Variants in ARHGAP26 observed in about 807,000 individuals in gnomAD.
ARHGAP26 encodes the protein Rho GTPase activating protein 26.
In ARHGAP26, 38 loss-of-function variants were observed where a neutral mutation model predicts 104.8. The ratio of observed to expected loss-of-function variants is 0.36; its 90% confidence interval spans 0.28 to 0.48. The LOEUF is 0.48. ARHGAP26 is among the 20% of genes least tolerant of loss of function. ARHGAP26 has a pLI of 0.99. For synonymous variants in ARHGAP26, 341 were observed against 340.0 expected (o/e 1.00, Z -0.03); for missense variants, 704 against 947.9 (o/e 0.74, Z 3.38).
intron 17 of ARHGAP26, among the ~76,000 whole-genome samples, chr5:143,081,841 G>A (rs943355967): frequency 1.3e-5 from 2 of 151,966 alleles, no homozygotes; most frequent in East Asian, 1.9e-4. Context: ...GTGAAACCCC[G>A]TCTCTACTAA....
chr5:143,178,068 C>G (rs1228752985), intron 20 of ARHGAP26, among the ~76,000 whole-genome samples: 1 of 124,706 alleles, frequency 8.0e-6, no homozygotes, highest in Admixed American at 1.1e-4. Context: ...GGTGTAATCT[C>G]TGTTCACTAC....
At chr5:142,922,196 A>G (rs888279813) in intron 10 of ARHGAP26, 1 of 152,178 alleles carries the variant, frequency 6.6e-6, no homozygotes, top group Admixed American at 6.5e-5. Context: ...TTAAAATAAT[A>G]TTGTTTCTTC....
chr5:143,010,755 G>C (rs886642743), intron 11 of ARHGAP26: 2 of 152,166 alleles, frequency 1.3e-5, no homozygotes, highest in Non-Finnish European at 2.9e-5. Context: ...CCTTGAAAGA[G>C]AGTAATTTGG....
intron 1 of ARHGAP26, among the ~76,000 whole-genome samples, chr5:142,840,715 G>C (rs1265495625): frequency 6.6e-6 from 1 of 152,144 alleles, no homozygotes; most frequent in African/African-American, 2.4e-5. Context: ...CTTCTCTGAG[G>C]TCCTGGTGTG....
chr5:143,040,750 A>G (rs1783339010), intron 13 of ARHGAP26, among the ~76,000 whole-genome samples: 1 of 152,256 alleles, frequency 6.6e-6, no homozygotes, highest in Admixed American at 6.5e-5. Context: ...TAGAGGAAAC[A>G]GCTGGAGCAA....
intron 17 of ARHGAP26, among the ~76,000 whole-genome samples, chr5:143,107,918 G>T (rs1336857516): frequency 3.9e-5 from 6 of 152,224 alleles, no homozygotes; most frequent in Non-Finnish European, 8.8e-5. Context: ...ATGTGTTGAA[G>T]TAAGAACTTT....
At chr5:143,102,761 T>A (rs1562429175) in intron 17 of ARHGAP26, among the ~76,000 whole-genome samples, 1 of 152,244 alleles carries the variant, frequency 6.6e-6, no homozygotes, top group South Asian at 2.1e-4. Flanking sequence ...AAACTTCTGT[T>A]TAAATTAGTT....
chr5:143,097,351 C>CAA (rs1491357225), intron 17 of ARHGAP26, among the ~76,000 whole-genome samples: 5 of 22,878 alleles, frequency 2.2e-4, no homozygotes, highest in East Asian at 1.0e-3. Flanking sequence ...GACTCCGTCT[C>CAA]AAAAAAAAGA....
intron 9 of ARHGAP26, among the ~76,000 whole-genome samples, chr5:142,911,755 T>A (rs148071726): frequency 3.3e-5 from 5 of 152,360 alleles, no homozygotes; most frequent in Non-Finnish European, 7.3e-5. Flanking sequence ...AAGTGGAAGC[T>A]GGTCCATAGC....
chr5:142,775,971 A>G lies in ARHGAP26; in HGVS notation c.154+5056A>G, dbSNP rs146577686. 1.6e-3 allele frequency among the ~76,000 whole-genome samples: 245 copies of G among 152,242 alleles called. 4 individuals carry two copies. Among genetic ancestry groups the G allele is most frequent in the Admixed American group, 8.9e-3 (136 of 15,290 alleles). ...ACTAACACTTGGAATTGACATACCAATTGATCATGGTTGTCTCTCACAAGA... is the reference window on the plus strand; with the variant it reads ...ACTAACACTTGGAATTGACATACCAGTTGATCATGGTTGTCTCTCACAAGA... On this transcript the variant is annotated intron_variant, in intron 1 of 22. Coordinates refer to ENST00000645722, the MANE Select transcript of ARHGAP26 (RefSeq NM_001135608.3).
At chr5:142,898,215 C>G (rs1293613916) in intron 6 of ARHGAP26, among the ~76,000 whole-genome samples, 1 of 151,684 alleles carries the variant, frequency 6.6e-6, no homozygotes, top group Admixed American at 6.6e-5. Context: ...CATACATATA[C>G]ATATATACGT....
intron 20 of ARHGAP26, chr5:143,169,101 C>T (rs952814695): frequency 1.3e-5 from 2 of 152,240 alleles, no homozygotes; most frequent in African/African-American, 4.8e-5. Context: ...TTCTCTCAAT[C>T]CAGGGCCTCT....
At chr5:143,153,958 C>G (rs1343475446) in intron 20 of ARHGAP26, among the ~76,000 whole-genome samples, 1 of 152,138 alleles carries the variant, frequency 6.6e-6, no homozygotes, top group Admixed American at 6.5e-5. Flanking sequence ...AGTTGTTTCT[C>G]TGAAACATTG....
intron 13 of ARHGAP26, among the ~76,000 whole-genome samples, chr5:143,040,305 A>G (rs563647563): frequency 2.2e-4 from 33 of 152,328 alleles, no homozygotes; most frequent in Non-Finnish European, 3.5e-4. Flanking sequence ...GTAAAATTCT[A>G]TCATTCCAGA....
chr5:143,199,793 CACTGTGGAG>C (rs1033261735), intron 20 of ARHGAP26, among the ~76,000 whole-genome samples: 2 of 152,228 alleles, frequency 1.3e-5, no homozygotes, highest in African/African-American at 2.4e-5. Context: ...CAAAGTCTGA[CACTGTGGAG>C]ACTCTTAGTG....
intron 11 of ARHGAP26, among the ~76,000 whole-genome samples, chr5:142,999,687 T>C (rs1214582108): frequency 6.6e-6 from 1 of 152,044 alleles, no homozygotes; most frequent in African/African-American, 2.4e-5. Context: ...GAAGAAAACA[T>C]AGGACAAAAT....
chr5:142,862,615 C>T (rs1753564998), intron 1 of ARHGAP26, among the ~76,000 whole-genome samples: 2 of 152,256 alleles, frequency 1.3e-5, no homozygotes, highest in South Asian at 2.1e-4. Context: ...ACTGTTTAAC[C>T]AAGTTCTGGG....
chr5:143,103,258 C>T, intron 17 of ARHGAP26: 4 of 984,060 alleles, frequency 4.1e-6, no homozygotes, highest in Non-Finnish European at 4.8e-6. Context: ...TATCATTACT[C>T]TTCAAAGAAA....
intron 12 of ARHGAP26, among the ~76,000 whole-genome samples, chr5:143,033,136 G>A (rs976549370): frequency 3.3e-5 from 5 of 152,268 alleles, no homozygotes; most frequent in Middle Eastern, 3.4e-3. Flanking sequence ...TGTAAATATC[G>A]TATCCATTTG....
Sources: gnomAD v4.1 joint callset for allele counts (sites outside exome capture counted in the v4.1 genomes callset) on GRCh38, gnomAD v4.1.1 for gene constraint, MANE v1.5 for transcripts, NCBI Gene and HGNC (gene_info 2026-07-23, HGNC 2026-07-21) for gene names.